KDM6A: variants seen among roughly 807,000 people sequenced by gnomAD.
The protein encoded by KDM6A is lysine demethylase 6A.
KDM6A carries 11 observed loss-of-function variants against 117.6 expected under a neutral mutation model. That is an observed-to-expected ratio of 0.09 (90% CI 0.06 to 0.15). The LOEUF (loss-of-function observed/expected upper bound fraction) is 0.15, where lower values mean the gene tolerates loss of function less well. KDM6A is among the 10% of genes least tolerant of loss of function. The pLI, the probability that KDM6A is intolerant of heterozygous loss-of-function variation, is 1.00. For missense variants in KDM6A, 799 were observed against 1,077.3 expected, an observed-to-expected ratio of 0.74 and a Z score of 3.62; for synonymous variants, 384 against 396.1, an observed-to-expected ratio of 0.97 and a Z score of 0.36.
chrX:44,876,093 A>G (rs1264899225), intron 2 of KDM6A, among the ~76,000 whole-genome samples: 2 of 111,756 alleles, frequency 1.8e-5, no homozygotes, highest in African/African-American at 6.5e-5. Flanking sequence ...TTGATGAACG[A>G]TTAAGCAGTT....
At chrX:44,928,666 A>T (rs1253045078) in intron 2 of KDM6A, among the ~76,000 whole-genome samples, 2 of 111,364 alleles carry the variant, frequency 1.8e-5, no homozygotes, top group Middle Eastern at 4.2e-3. Context: ...GGAGACGGGG[A>T]AAAGCTTTTG....
chrX:45,015,246 G>C lies in KDM6A; in HGVS notation c.443+4227G>C, dbSNP rs751983543. Reference sequence around the variant, plus strand: ...GCCTCCCGAATAGCTTGGACTACAGGCTTGAAGGCTTGAACCACTATGCCT... The same window carrying C: ...GCCTCCCGAATAGCTTGGACTACAGCCTTGAAGGCTTGAACCACTATGCCT... On this transcript the variant is annotated intron_variant, in intron 5 of 29. Transcript: ENST00000611820. 3.6e-5 allele frequency among the ~76,000 whole-genome samples: 4 copies of C among 109,959 alleles called. No individual in the cohort carries two copies. The South Asian group carries it at 1.6e-3, about 44-fold the overall frequency.
At chrX:45,022,326 T>C (rs774005393) in intron 6 of KDM6A, among the ~76,000 whole-genome samples, 1 of 112,351 alleles carries the variant, frequency 8.9e-6, no homozygotes, top group East Asian at 2.8e-4. Context: ...ACCACTTTTA[T>C]TTGTTCAGGT....
At chrX:45,062,807 C>A in intron 16 of KDM6A, 59 bp downstream of exon 16, 2 of 730,642 alleles carry the variant, frequency 2.7e-6, no homozygotes, top group South Asian at 2.2e-5. Flanking sequence ...TTTATTGACT[C>A]TAATGTCATT....
At chrX:45,060,558 G>T (rs777305727) in intron 13 of KDM6A, 51 bp from the exon 14 acceptor site, 58 of 917,793 alleles carry the variant, frequency 6.3e-5, no homozygotes, top group Non-Finnish European at 8.1e-5. Context: ...TTGAAGGAAT[G>T]AATTAAGAAT....
In KDM6A at chrX:44,932,311, A is replaced by G. The variant is rs776617651; in HGVS notation, c.226-28973A>G. On this transcript the variant is annotated intron_variant, in intron 2 of 29. Coordinates refer to ENST00000611820, the MANE Select transcript of KDM6A (RefSeq NM_001291415.2). Reference sequence around the variant, plus strand: ...TGGTGGGGTGGGGGGTGGTCTCACCATGTTGGCCAGGCCGGTCTTCAACTC... The same window carrying G: ...TGGTGGGGTGGGGGGTGGTCTCACCGTGTTGGCCAGGCCGGTCTTCAACTC... Among the ~76,000 whole-genome samples the G allele has an allele frequency of 2.8e-5, 3 of 107,641 alleles. No individual in the cohort carries two copies. The East Asian group carries it at 8.7e-4, about 31-fold the overall frequency. The allele number at this position is 107,641 out of a possible 115,157, so 93.5% of individuals were successfully genotyped here.
chrX:44,984,197 C>T (rs1274450485), intron 4 of KDM6A, among the ~76,000 whole-genome samples: 2 of 110,581 alleles, frequency 1.8e-5, no homozygotes, highest in African/African-American at 6.7e-5. Flanking sequence ...CTTTTGGCTG[C>T]ATAAATGTCT....
At chrX:44,948,134 C>T (rs1215750850) in intron 2 of KDM6A, among the ~76,000 whole-genome samples, 2 of 111,869 alleles carry the variant, frequency 1.8e-5, no homozygotes, top group African/African-American at 3.2e-5. Flanking sequence ...AAGCCCTTCC[C>T]AACTCTTCAT....
rs866546764 is a variant in KDM6A at position 45,040,126 on chromosome X, G to A, written c.654+2437G>A. 4.7e-3 allele frequency among the ~76,000 whole-genome samples: 281 copies of A among 60,167 alleles called. 5 individuals are homozygous for A. Among genetic ancestry groups the A allele is most frequent in the African/African-American group, 0.018 (268 of 14,849 alleles). 52.2% of individuals were successfully genotyped at this position (60,167 alleles called of 115,157 possible). A position where few individuals can be genotyped will look rare whatever the true frequency, so the allele number is the denominator to read the frequency against. Reference sequence around the variant, plus strand: ...CCCTCACCTCCCGGATGGGGCGGCTGGCCGGGCGGGGGGCTGACCCCCCCA... The same window carrying A: ...CCCTCACCTCCCGGATGGGGCGGCTAGCCGGGCGGGGGGCTGACCCCCCCA... On this transcript the variant is annotated intron_variant, in intron 8 of 29. Coordinates refer to ENST00000611820, the MANE Select transcript of KDM6A (RefSeq NM_001291415.2).
chrX:45,009,157 T>C (rs2041642484), intron 4 of KDM6A, among the ~76,000 whole-genome samples: 1 of 112,039 alleles, frequency 8.9e-6, no homozygotes, highest in Non-Finnish European at 1.9e-5. Flanking sequence ...AGCAAGTTTA[T>C]TAAGAAAGTA....
intron 2 of KDM6A, among the ~76,000 whole-genome samples, chrX:44,933,391 G>T (rs1036507269): frequency 1.1e-5 from 1 of 92,096 alleles, no homozygotes; most frequent in Non-Finnish European, 2.1e-5. Context: ...CCTCAGCCTC[G>T]CAAGTAGCTG....
intron 2 of KDM6A, among the ~76,000 whole-genome samples, chrX:44,912,125 G>A (rs758620736): frequency 3.6e-5 from 4 of 110,326 alleles, no homozygotes; most frequent in South Asian, 3.9e-4. Context: ...CCTTGCTCTC[G>A]TTGCCCAGGC....
intron 10 of KDM6A, among the ~76,000 whole-genome samples, chrX:45,057,989 T>C (rs1233177736): frequency 1.8e-5 from 2 of 109,963 alleles, no homozygotes; most frequent in Non-Finnish European, 3.8e-5. Flanking sequence ...ATTTGTTTGC[T>C]TGGCAAACGT....
intron 2 of KDM6A, among the ~76,000 whole-genome samples, chrX:44,954,130 A>G (rs1457861447): frequency 1.8e-5 from 2 of 110,202 alleles, no homozygotes; most frequent in East Asian, 5.7e-4. Flanking sequence ...AAAAAAAAGT[A>G]TAATGTGTTG....
chrX:45,040,298 G>A (rs1175957886), intron 8 of KDM6A, among the ~76,000 whole-genome samples: 4 of 98,009 alleles, frequency 4.1e-5, no homozygotes, highest in Admixed American at 1.0e-4. Flanking sequence ...CCTCCCGGAC[G>A]GGGCGGCTGG....
chrX:44,947,813 G>A lies in KDM6A; in HGVS notation c.226-13471G>A, dbSNP rs931452521. ...GTTTTTACTTAGATTGAAGGTGTTC[G>A]CTCATTGAGGCTCAGTGTTCTGAGC... On this transcript the variant is annotated intron_variant, in intron 2 of 29. Coordinates refer to ENST00000611820, the MANE Select transcript of KDM6A (RefSeq NM_001291415.2). 8.1e-5 allele frequency among the ~76,000 whole-genome samples: 9 copies of A among 111,582 alleles called. No individual in the cohort carries two copies. The East Asian group carries it at 2.5e-3, about 31-fold the overall frequency.
chrX:44,907,023 T>TC (rs762823653), intron 2 of KDM6A, among the ~76,000 whole-genome samples: 10 of 110,932 alleles, frequency 9.0e-5, no homozygotes, highest in African/African-American at 2.0e-4. Flanking sequence ...AGGTAACCTT[T>TC]CCCCCCCACT....
chrX:44,985,878 G>A (rs1394094775), intron 4 of KDM6A, among the ~76,000 whole-genome samples: 2 of 111,239 alleles, frequency 1.8e-5, no homozygotes, highest in African/African-American at 6.6e-5. Context: ...CTCTTTTTTG[G>A]TTGTATCTCT....
chrX:44,991,954 G>A (rs927925175), intron 4 of KDM6A, among the ~76,000 whole-genome samples: 3 of 110,917 alleles, frequency 2.7e-5, no homozygotes, highest in African/African-American at 9.9e-5. Context: ...CTCTCAGAGT[G>A]TTGGGATTAC....
Sources: gnomAD v4.1 joint callset for allele counts (sites outside exome capture counted in the v4.1 genomes callset) on GRCh38, gnomAD v4.1.1 for gene constraint, MANE v1.5 for transcripts, NCBI Gene and HGNC (gene_info 2026-07-23, HGNC 2026-07-21) for gene names.